Variants in ZFPM1 observed in about 807,000 individuals in gnomAD.
ZFPM1 encodes the protein zinc finger protein, FOG family member 1, also known as zinc finger protein ZFPM1.
Under a neutral mutation model 46.3 loss-of-function variants are expected in ZFPM1, and 28 were observed. The ratio of observed to expected loss-of-function variants is 0.60; its 90% CI spans 0.45 to 0.83. The LOEUF is 0.83. Among genes scored for constraint, ZFPM1 ranks in the 40% least tolerant of loss-of-function variants. The pLI is 0.00. For synonymous variants in ZFPM1, 957 were observed against 675.9 expected (o/e 1.42, Z -6.45); for missense variants, 1,878 against 1,432.4 (o/e 1.31, Z -5.02).
At position 88,533,677 on chromosome 16, in the gene ZFPM1, C is replaced by A. The variant is rs776759568; in HGVS notation, c.1719C>A (p.Ala573=). 2 of 1,493,282 alleles carry A rather than the reference C, an allele frequency of 1.3e-6. No homozygotes were observed. Among genetic ancestry groups the A allele is most frequent in the East Asian group, 2.8e-5 (1 of 35,316 alleles). 92.5% of individuals were successfully genotyped at this position (1,493,282 alleles called of 1,614,324 possible). The change falls in exon 10 of 10, where the codon GCC becomes GCA. Residue 573 remains alanine, a synonymous_variant. Transcript: ENST00000319555. ...GGAQTGLFPG[A]PKGATCFECE... ...CGCAGACCGGGCTCTTCCCCGGGGC[C>A]CCCAAGGGCGCTACGTGCTTCGAGT...
At chr16:88,484,420 C>G (rs1217907910) in intron 1 of ZFPM1, among the ~76,000 whole-genome samples, 1 of 152,226 alleles carries the variant, frequency 6.6e-6, no homozygotes, top group Non-Finnish European at 1.5e-5. Flanking sequence ...CTGCCCCACC[C>G]CCACTCTGCC....
intron 1 of ZFPM1, among the ~76,000 whole-genome samples, chr16:88,455,781 G>A (rs1225343662): frequency 6.6e-6 from 1 of 152,212 alleles, no homozygotes; most frequent in Non-Finnish European, 1.5e-5. Flanking sequence ...AAACGTGGGA[G>A]CGGGGGCAGG....
intron 1 of ZFPM1, among the ~76,000 whole-genome samples, chr16:88,460,052 C>T (rs1011783124): frequency 1.3e-5 from 2 of 151,876 alleles, no homozygotes; most frequent in Admixed American, 1.3e-4. Flanking sequence ...CAGCGCATCC[C>T]GACTCCCCAG....
intron 1 of ZFPM1, among the ~76,000 whole-genome samples, chr16:88,460,539 G>C (rs1023385590): frequency 4.6e-5 from 7 of 152,200 alleles, no homozygotes; most frequent in African/African-American, 1.7e-4. Flanking sequence ...AGATGGTCTG[G>C]TCCTGCCCTC....
chr16:88,534,310 G>A lies in ZFPM1; in HGVS notation c.2352G>A (p.Ala784=). ...GAAGCGGCCCCGGCCTCGCCCCTGC[G>A]CGCTCGCCCGGCCCCGCGGCCGACG... ...GSGSGPGLAP[A]RSPGPAADGP... Residue 784 remains alanine (A), a synonymous_variant, in exon 10 of 10, where the codon GCG becomes GCA. Transcript: ENST00000319555. 4 of 1,306,236 alleles carry A rather than the reference G, an allele frequency of 3.1e-6. No homozygotes were observed. Among genetic ancestry groups the A allele is most frequent in the Non-Finnish European group, 3.9e-6 (4 of 1,028,642 alleles). The allele number at this position is 1,306,236 out of a possible 1,614,324, so 80.9% of individuals were successfully genotyped here.
At chr16:88,527,938 G>A (rs1912474154) in intron 5 of ZFPM1, 94 bp from the exon 6 acceptor site, 25 of 1,283,714 alleles carry the variant, frequency 1.9e-5, no homozygotes, top group Non-Finnish European at 2.6e-5. Flanking sequence ...AACCCGGGTG[G>A]CCGCTCTCCT....
At chr16:88,495,930 G>A (rs965070182) in intron 3 of ZFPM1, among the ~76,000 whole-genome samples, 11 of 152,146 alleles carry the variant, frequency 7.2e-5, no homozygotes, top group African/African-American at 2.4e-4. Context: ...CCTGTGAGGT[G>A]GGAGCTGGGG....
At position 88,532,660 on chromosome 16, in the gene ZFPM1, C is replaced by T; in HGVS notation, c.993C>T (p.Thr331=). The T allele has an allele frequency of 6.3e-7, 1 of 1,598,938 alleles. No individual in the cohort carries two copies. Residue 331 remains threonine (T), a synonymous_variant, in exon 8 of 10, where the codon ACC becomes ACT. Coordinates refer to ENST00000319555, the MANE Select transcript of ZFPM1 (RefSeq NM_153813.3). ...VCLICLSAFT[T]KANCERHLKV... ...TGATCTGCCTGTCGGCCTTCACCAC[C>T]AAGGCCAACTGCGAGCGGCACCTCA... is the stretch of plus-strand genomic sequence containing the variant.
chr16:88,501,332 T>C (rs1910289237), intron 3 of ZFPM1, among the ~76,000 whole-genome samples: 1 of 106,108 alleles, frequency 9.4e-6, no homozygotes, highest in Non-Finnish European at 1.9e-5. Context: ...CAGACATGGG[T>C]GCGGGGCCCT....
Position 88,532,651 on chromosome 16 carries a change from C to G in ZFPM1, c.984C>G (p.Ala328=). 1 of 1,594,202 alleles carries G rather than the reference C, an allele frequency of 6.3e-7. No individual in the cohort carries two copies. The highest frequency in any genetic ancestry group is 8.5e-7 in the Non-Finnish European group (1 of 1,170,406). The change falls in exon 8 of 10, where the codon GCC becomes GCG. Residue 328 remains alanine, a synonymous_variant. Coordinates refer to ENST00000319555, the MANE Select transcript of ZFPM1 (RefSeq NM_153813.3). ...RPFVCLICLS[A]FTTKANCERH... is the part of the protein sequence containing the mutation. Reference sequence around the variant, plus strand: ...TCGTGTGCCTGATCTGCCTGTCGGCCTTCACCACCAAGGCCAACTGCGAGC... The same window carrying G: ...TCGTGTGCCTGATCTGCCTGTCGGCGTTCACCACCAAGGCCAACTGCGAGC...
In ZFPM1 at chr16:88,533,977, G is replaced by A. The variant is rs1597292293; in HGVS notation, c.2019G>A (p.Val673=). The A allele has an allele frequency of 7.5e-7, 1 of 1,336,540 alleles. No individual in the cohort carries two copies. 82.8% of individuals were successfully genotyped at this position (1,336,540 alleles called of 1,614,324 possible). A position where few individuals can be genotyped will look rare whatever the true frequency, so the allele number is the denominator to read the frequency against. The change falls in exon 10 of 10, where the codon GTG becomes GTA. Residue 673 remains valine, a synonymous_variant. Coordinates refer to ENST00000319555, the MANE Select transcript of ZFPM1 (RefSeq NM_153813.3). ...GCAGCCAGAGCCCGGGTAGCTCCGT[G>A]GACGACGCGGAGGACGACCCCAGCC... The part of the protein sequence containing the change: ...SEGSQSPGSS[V]DDAEDDPSRT...
chr16:88,516,523 C>A (rs1240227624), intron 4 of ZFPM1: 3 of 398,554 alleles, frequency 7.5e-6, no homozygotes, highest in Non-Finnish European at 1.3e-5. Flanking sequence ...TTATCTCCTG[C>A]AGAATTAAAT....
intron 1 of ZFPM1, among the ~76,000 whole-genome samples, chr16:88,453,991 T>G (rs1907418177): frequency 6.6e-6 from 1 of 152,108 alleles, no homozygotes; most frequent in Non-Finnish European, 1.5e-5. Flanking sequence ...ATCTGCGAGA[T>G]GGTGCGGCGA....
At chr16:88,512,767 G>A (rs754894439) in intron 3 of ZFPM1, among the ~76,000 whole-genome samples, 6 of 152,130 alleles carry the variant, frequency 3.9e-5, no homozygotes, top group South Asian at 2.1e-4. Context: ...AGCTCCCATC[G>A]GGGGAGTCTC....
intron 1 of ZFPM1, among the ~76,000 whole-genome samples, chr16:88,459,648 A>G (rs1292252252): frequency 1.1e-5 from 1 of 88,530 alleles, no homozygotes; most frequent in African/African-American, 4.5e-5. Context: ...ACGCCCACCC[A>G]TGGGGCTGGC....
chr16:88,506,023 C>G (rs923209594), intron 3 of ZFPM1, among the ~76,000 whole-genome samples: 2 of 152,210 alleles, frequency 1.3e-5, no homozygotes, highest in African/African-American at 4.8e-5. Flanking sequence ...TAACCTCTGG[C>G]CTGGGGTGAG....
rs556283009 is a variant in ZFPM1 at position 88,456,683 on chromosome 16, C to T, written c.40+3005C>T. Among the ~76,000 whole-genome samples, 5 of 152,264 alleles carry T rather than the reference C, an allele frequency of 3.3e-5. 1 individual carries two copies. Among genetic ancestry groups the T allele is most frequent in the Admixed American group, 2.0e-4 (3 of 15,302 alleles). On this transcript the variant is annotated intron_variant, in intron 1 of 9. Coordinates refer to ENST00000319555, the MANE Select transcript of ZFPM1 (RefSeq NM_153813.3). The stretch of plus-strand genomic sequence containing the variant: ...TGTCGGGGGAGCAAGGGCTGAGAGG[C>T]GCCTGGGGCTGGGGGGCCAGCCTGT...
intron 3 of ZFPM1, among the ~76,000 whole-genome samples, chr16:88,507,516 G>C (rs1006296284): frequency 1.3e-5 from 2 of 152,228 alleles, no homozygotes; most frequent in African/African-American, 2.4e-5. Flanking sequence ...GGGCTGCCTG[G>C]GTGTGTCAGC....
At chr16:88,458,549 C>T (rs890490615) in intron 1 of ZFPM1, among the ~76,000 whole-genome samples, 4 of 152,230 alleles carry the variant, frequency 2.6e-5, no homozygotes, top group South Asian at 2.1e-4. Context: ...GCCAACCAGA[C>T]GTTCCTGGGC....
Sources: gnomAD v4.1 joint callset for allele counts (sites outside exome capture counted in the v4.1 genomes callset) on GRCh38, gnomAD v4.1.1 for gene constraint, MANE v1.5 for transcripts, NCBI Gene and HGNC (gene_info 2026-07-23, HGNC 2026-07-21) for gene names.